CMC2: variants seen among roughly 807,000 people sequenced by gnomAD.
The protein encoded by CMC2 is COX assembly mitochondrial protein 2 homolog.
In CMC2, 5 loss-of-function variants were observed where a neutral mutation model predicts 7.5. That is an observed-to-expected ratio of 0.66 (90% CI 0.35 to 1.40). The LOEUF (loss-of-function observed/expected upper bound fraction) is 1.40. Ranked by LOEUF, CMC2 falls within the 40% of genes most tolerant of loss-of-function variation. The probability of loss-of-function intolerance (pLI) is 0.04; values close to 1 mark genes in which losing one functional copy is unlikely to be tolerated. For missense variants in CMC2, 115 were observed against 92.3 expected, an observed-to-expected ratio of 1.25 and a Z score of -1.01; for synonymous variants, 37 against 31.4, an observed-to-expected ratio of 1.18 and a Z score of -0.60.
At position 80,974,943 on chromosome 16, in the gene CMC2, T is replaced by A. The variant is rs113284653; in HGVS notation, c.*1150A>T. ...CCTCCTGTGATGGGGAAGTCACTTA[T>A]TAAACACCAACACCAACAAGGCCTC... is the stretch of plus-strand genomic sequence containing the variant. On this transcript the variant is annotated 3_prime_UTR_variant, in exon 4 of 4. Coordinates refer to ENST00000219400, the MANE Select transcript of CMC2 (RefSeq NM_020188.5). The A allele has an allele frequency of 6.6e-6, 1 of 152,256 alleles. No individual in the cohort carries two copies. The highest frequency in any genetic ancestry group is 2.4e-5 in the African/African-American group (1 of 41,446). 9.4% of individuals were successfully genotyped at this position (152,256 alleles called of 1,614,324 possible).
rs1182854246 is a variant in CMC2 at position 80,971,683 on chromosome 16, G to A, written c.*4410C>T. On this transcript the variant is annotated 3_prime_UTR_variant, in exon 4 of 4. Coordinates refer to ENST00000219400, the MANE Select transcript of CMC2 (RefSeq NM_020188.5). ...AGTTACCACCAATAAAGAAATAAGTGGAACGGGCTTGGGGTGACAAACACA... is the reference window on the plus strand; with the variant it reads ...AGTTACCACCAATAAAGAAATAAGTAGAACGGGCTTGGGGTGACAAACACA... 1.3e-5 allele frequency: 2 copies of A among 150,372 alleles called. No homozygotes were observed. The highest frequency in any genetic ancestry group is 4.9e-5 in the African/African-American group (2 of 40,508). 9.3% of individuals were successfully genotyped at this position (150,372 alleles called of 1,614,324 possible).
chr16:80,982,582 T>C (rs919293597), intron 2 of CMC2: 7 of 141,082 alleles, frequency 5.0e-5, no homozygotes, highest in Non-Finnish European at 9.2e-5. Context: ...ATAAAACATA[T>C]ACAAATTTTA....
In CMC2 at chr16:80,977,329, G is replaced by A. The variant is rs78421357; in HGVS notation, c.154-1150C>T. 1.2e-4 allele frequency among the ~76,000 whole-genome samples: 18 copies of A among 152,292 alleles called. No homozygotes were observed. The East Asian group carries it at 3.5e-3, about 29-fold the overall frequency. ...CTTAAATAGTTAACCTACATTTAAA[G>A]CAGAGGACCTTAAAAGTGTTTTTAT... On this transcript the variant is annotated intron_variant, in intron 3 of 3. Coordinates refer to ENST00000219400, the MANE Select transcript of CMC2 (RefSeq NM_020188.5).
At chr16:80,979,865 G>A (rs1241886272) in intron 3 of CMC2, among the ~76,000 whole-genome samples, 5 of 151,950 alleles carry the variant, frequency 3.3e-5, no homozygotes, top group Admixed American at 6.6e-5. Context: ...CAGGTGATCC[G>A]CCTGTCTTGG....
intron 2 of CMC2, among the ~76,000 whole-genome samples, chr16:80,988,317 G>C (rs937596327): frequency 6.6e-6 from 1 of 152,156 alleles, no homozygotes; most frequent in South Asian, 2.1e-4. Context: ...AAGTGCCGGA[G>C]TGACATCATA....
At chr16:80,998,644 G>A (rs961297107) in intron 1 of CMC2, 2 of 152,094 alleles carry the variant, frequency 1.3e-5, no homozygotes, top group East Asian at 1.9e-4. Context: ...AACAGACAAT[G>A]GATCAGCACA....
chr16:80,993,704 A>G (rs934888299), intron 2 of CMC2, among the ~76,000 whole-genome samples: 51 of 145,020 alleles, frequency 3.5e-4, no homozygotes, highest in African/African-American at 1.2e-3. Context: ...ACTCTAGAGT[A>G]AAGACTATGC....
rs1230785461 is a variant in CMC2 at position 80,972,270 on chromosome 16, A to AT, written c.*3822dup. On this transcript the variant is annotated 3_prime_UTR_variant, in exon 4 of 4. Coordinates refer to ENST00000219400, the MANE Select transcript of CMC2 (RefSeq NM_020188.5). ...TGGTATAGCTGGTTCCCTGAATATG[A>AT]TATCATTTAAGGGGCACAAATTTCA... 6.6e-6 allele frequency: 1 copy of AT among 152,190 alleles called. No individual in the cohort carries two copies. The highest frequency in any genetic ancestry group is 1.5e-5 in the Non-Finnish European group (1 of 68,044). 9.4% of individuals were successfully genotyped at this position (152,190 alleles called of 1,614,324 possible).
chr16:80,990,416 C>T (rs535568695), intron 2 of CMC2, among the ~76,000 whole-genome samples: 4 of 152,254 alleles, frequency 2.6e-5, no homozygotes, highest in East Asian at 1.9e-4. Flanking sequence ...GTGATCTGCC[C>T]GCCATGGCCT....
Position 80,976,107 on chromosome 16 carries a change from C to G in CMC2, c.226G>C (p.Glu76Gln). The change falls in exon 4 of 4, where the codon GAA becomes CAA. Residue 76 changes from glutamate to glutamine, a missense_variant. Physicochemically the swap from Glu to Gln is conservative, Grantham distance 29. Transcript: ENST00000219400. Reference protein sequence around the residue: ...MRKKLFNPPEESEK With the variant: ...MRKKLFNPPEQSEK ...GAAAATACAATTTATTTTTCGGATT[C>G]CTCTGGAGGATTAAAAAGTTTCTTT... 5 of 1,600,650 alleles carry G rather than the reference C, an allele frequency of 3.1e-6. No homozygotes were observed. The highest frequency in any genetic ancestry group is 4.3e-6 in the Non-Finnish European group (5 of 1,168,132).
chr16:81,004,083 C>T (rs911232589), intron 1 of CMC2, among the ~76,000 whole-genome samples: 3 of 151,988 alleles, frequency 2.0e-5, no homozygotes, highest in Non-Finnish European at 4.4e-5. Context: ...ATTCGCTGGG[C>T]GTGGTGGTGG....
intron 2 of CMC2, among the ~76,000 whole-genome samples, chr16:80,990,417 G>A (rs965112280): frequency 2.6e-5 from 4 of 152,090 alleles, no homozygotes; most frequent in Non-Finnish European, 4.4e-5. Flanking sequence ...TGATCTGCCC[G>A]CCATGGCCTC....
At chr16:80,993,109 T>C (rs1206092458) in intron 2 of CMC2, among the ~76,000 whole-genome samples, 1 of 152,210 alleles carries the variant, frequency 6.6e-6, no homozygotes, top group African/African-American at 2.4e-5. Context: ...TATTCTAACT[T>C]TTTCCAAACA....
chr16:80,994,757 C>T (rs1469177677), intron 2 of CMC2, among the ~76,000 whole-genome samples: 1 of 152,140 alleles, frequency 6.6e-6, no homozygotes, highest in Non-Finnish European at 1.5e-5. Context: ...AGTTTGGTGG[C>T]CTTTTATGAA....
At chr16:80,994,859 A>G (rs1022029433) in intron 2 of CMC2, among the ~76,000 whole-genome samples, 1 of 152,198 alleles carries the variant, frequency 6.6e-6, no homozygotes, top group African/African-American at 2.4e-5. Flanking sequence ...AGACTTGCAC[A>G]TGATGGCTGG....
At chr16:80,979,411 G>T (rs1966939551) in intron 3 of CMC2, among the ~76,000 whole-genome samples, 1 of 151,940 alleles carries the variant, frequency 6.6e-6, no homozygotes, top group Non-Finnish European at 1.5e-5. Flanking sequence ...ACAGATCTCA[G>T]GCCAGCTGAG....
At chr16:80,995,883 A>G (rs12597414) in intron 2 of CMC2, among the ~76,000 whole-genome samples, 1 of 152,146 alleles carries the variant, frequency 6.6e-6, no homozygotes, top group African/African-American at 2.4e-5. Flanking sequence ...ATCAAACTGT[A>G]TACTTAAAAT....
chr16:80,986,026 C>T (rs546212001), intron 2 of CMC2, among the ~76,000 whole-genome samples: 1 of 151,854 alleles, frequency 6.6e-6, no homozygotes, highest in South Asian at 2.1e-4. Context: ...ATTTATAACG[C>T]ATTGTATAGG....
At chr16:80,979,087 TA>T (rs199590637) in intron 3 of CMC2, among the ~76,000 whole-genome samples, 5 of 149,712 alleles carry the variant, frequency 3.3e-5, no homozygotes, top group East Asian at 2.0e-4. Context: ...GCAAAAAAAA[TA>T]AAAAAATAAA....
Sources: gnomAD v4.1 joint callset for allele counts (sites outside exome capture counted in the v4.1 genomes callset) on GRCh38, gnomAD v4.1.1 for gene constraint, MANE v1.5 for transcripts, NCBI Gene and HGNC (gene_info 2026-07-23, HGNC 2026-07-21) for gene names.